The following ZYG11B variants were observed in gnomAD, a reference collection of about 807,000 sequenced individuals.
ZYG11B encodes zyg-11 family member B, cell cycle regulator, also known as protein zyg-11 homolog B.
Under a neutral mutation model 82.4 loss-of-function variants are expected in ZYG11B, and 36 were observed. That is an observed-to-expected ratio of 0.44 (90% CI 0.33 to 0.58). The LOEUF is 0.58. ZYG11B is among the 20% of genes least tolerant of loss of function. The pLI is 0.02. For synonymous variants in ZYG11B, 303 were observed against 312.8 expected (o/e 0.97, Z 0.33); for missense variants, 552 against 895.6 (o/e 0.62, Z 4.90).
At chr1:52,782,498 T>G (rs920322870) in intron 4 of ZYG11B, among the ~76,000 whole-genome samples, 9 of 152,180 alleles carry the variant, frequency 5.9e-5, no homozygotes, top group Admixed American at 2.0e-4. Flanking sequence ...TCAGCAATCT[T>G]CTGCCTCAAC....
At chr1:52,750,003 A>C (rs931230429) in intron 1 of ZYG11B, among the ~76,000 whole-genome samples, 1 of 152,210 alleles carries the variant, frequency 6.6e-6, no homozygotes, top group African/African-American at 2.4e-5. Flanking sequence ...TGATCTTTGA[A>C]ATGTGGAGTT....
rs1237397344 is a variant in ZYG11B at position 52,825,123 on chromosome 1, T to C, written c.*3494T>C. On this transcript the variant is annotated 3_prime_UTR_variant, in exon 14 of 14. Transcript: ENST00000294353. ...AAAAAATAGATTATAATGATACATA[T>C]TGGTATCATTAAGACAACAGATTTG... is the stretch of plus-strand genomic sequence containing the variant. The C allele has an allele frequency of 6.6e-6, 1 of 152,190 alleles. No individual in the cohort carries two copies. The highest frequency in any genetic ancestry group is 1.5e-5 in the Non-Finnish European group (1 of 68,036). The allele number at this position is 152,190 out of a possible 1,614,324, so 9.4% of individuals were successfully genotyped here.
intron 8 of ZYG11B, among the ~76,000 whole-genome samples, chr1:52,799,486 CA>C (rs57224108): frequency 3.1e-4 from 35 of 114,144 alleles, no homozygotes; most frequent in South Asian, 5.5e-4. Flanking sequence ...GGCTCTGTCT[CA>C]AAAAAAAAAA....
chr1:52,826,650 G>C lies in ZYG11B; in HGVS notation c.*5021G>C, dbSNP rs566951652. 1.6e-4 allele frequency: 24 copies of C among 152,162 alleles called. No individual in the cohort carries two copies. The highest frequency in any genetic ancestry group is 5.5e-4 in the African/African-American group (23 of 41,498). The allele number at this position is 152,162 out of a possible 1,614,324, so 9.4% of individuals were successfully genotyped here. ...TTTTTCTCTCTCCCCATTTTTTGGG[G>C]TAAGTTTTGCAAAGATCAGTGCTGC... On this transcript the variant is annotated 3_prime_UTR_variant, in exon 14 of 14. Transcript: ENST00000294353.
chr1:52,738,852 C>T (rs554842663), intron 1 of ZYG11B, among the ~76,000 whole-genome samples: 12 of 151,374 alleles, frequency 7.9e-5, no homozygotes, highest in South Asian at 2.1e-4. Context: ...TCAGGTGATC[C>T]GCCCACCTTG....
Position 52,772,661 on chromosome 1 carries a change from C to T in ZYG11B, c.951+887C>T, listed in dbSNP as rs190477847. 3.1e-5 allele frequency: 25 copies of T among 806,024 alleles called. No individual in the cohort carries two copies. In the East Asian group the frequency reaches 5.9e-4, roughly 19 times the overall value. 49.9% of individuals were successfully genotyped at this position (806,024 alleles called of 1,614,324 possible). A position where few individuals can be genotyped will look rare whatever the true frequency, so the allele number is the denominator to read the frequency against. ...GCATACGACCCATGATGGCGGCGAT[C>T]AGGCAACGAAAGGCTTGTTTTTTTT... On this transcript the variant is annotated intron_variant, in intron 3 of 13. Coordinates refer to ENST00000294353, the MANE Select transcript of ZYG11B (RefSeq NM_024646.3).
In ZYG11B at chr1:52,826,106, A is replaced by G. The variant is rs1263421123; in HGVS notation, c.*4477A>G. The G allele has an allele frequency of 6.6e-6, 1 of 152,220 alleles. No homozygotes were observed. Among genetic ancestry groups the G allele is most frequent in the African/African-American group, 2.4e-5 (1 of 41,462 alleles). 9.4% of individuals were successfully genotyped at this position (152,220 alleles called of 1,614,324 possible). A position where few individuals can be genotyped will look rare whatever the true frequency, so the allele number is the denominator to read the frequency against. On this transcript the variant is annotated 3_prime_UTR_variant, in exon 14 of 14. Coordinates refer to ENST00000294353, the MANE Select transcript of ZYG11B (RefSeq NM_024646.3). ...TTTCGTTATTATACAATGTAGTGGT[A>G]TAAACAGTATTATTAAACTGAAGGC...
intron 12 of ZYG11B, among the ~76,000 whole-genome samples, chr1:52,816,131 C>T (rs2149966577): frequency 6.6e-6 from 1 of 152,016 alleles, no homozygotes; most frequent in East Asian, 1.9e-4. Flanking sequence ...TATGTTCCAC[C>T]TATTTTTATT....
chr1:52,782,336 C>G (rs1378122643), intron 4 of ZYG11B, among the ~76,000 whole-genome samples: 1 of 151,910 alleles, frequency 6.6e-6, no homozygotes, highest in African/African-American at 2.4e-5. Context: ...AAGTGATTCT[C>G]CCGCTTTGGC....
At chr1:52,775,890 C>T (rs1405532822) in intron 3 of ZYG11B, among the ~76,000 whole-genome samples, 1 of 151,656 alleles carries the variant, frequency 6.6e-6, no homozygotes, top group East Asian at 1.9e-4. Flanking sequence ...GGGTTTGTCA[C>T]TGGGTAGAGA....
intron 8 of ZYG11B, among the ~76,000 whole-genome samples, 181 bp downstream of exon 8, chr1:52,796,965 AT>A (rs1558137283): frequency 1.2e-5 from 1 of 82,048 alleles, no homozygotes; most frequent in Non-Finnish European, 2.0e-5. Context: ...TATATTATAT[AT>A]AATATATATA....
chr1:52,783,246 A>G (rs969454956), intron 4 of ZYG11B, among the ~76,000 whole-genome samples: 1 of 152,124 alleles, frequency 6.6e-6, no homozygotes, highest in African/African-American at 2.4e-5. Context: ...CTTATAGGGA[A>G]TTTTGCTGCA....
At chr1:52,734,228 G>T (rs1644358554) in intron 1 of ZYG11B, among the ~76,000 whole-genome samples, 1 of 151,840 alleles carries the variant, frequency 6.6e-6, no homozygotes, top group South Asian at 2.1e-4. Context: ...AAACTCCTGG[G>T]CTCAAGTGAT....
chr1:52,766,850 T>TAA (rs1472996270), intron 2 of ZYG11B, among the ~76,000 whole-genome samples: 2 of 151,954 alleles, frequency 1.3e-5, no homozygotes, highest in African/African-American at 4.8e-5. Context: ...CTACTAAAAA[T>TAA]ACAAAAAATT....
At chr1:52,789,741 C>T (rs937394860) in intron 5 of ZYG11B, among the ~76,000 whole-genome samples, 4 of 151,998 alleles carry the variant, frequency 2.6e-5, no homozygotes, top group African/African-American at 9.7e-5. Flanking sequence ...ACTTCATAGG[C>T]CACCAGAAAG....
At chr1:52,797,734 C>T (rs1328223009) in intron 8 of ZYG11B, among the ~76,000 whole-genome samples, 1 of 151,230 alleles carries the variant, frequency 6.6e-6, no homozygotes, top group Non-Finnish European at 1.5e-5. Flanking sequence ...TGGTCTCGAT[C>T]TCCTGACCTT....
chr1:52,732,749 G>A (rs1644343557), intron 1 of ZYG11B, among the ~76,000 whole-genome samples: 7 of 151,432 alleles, frequency 4.6e-5, no homozygotes, highest in Non-Finnish European at 1.0e-4. Flanking sequence ...TGGCGACAGA[G>A]CAAGACTCTG....
chr1:52,736,275 T>TTTTATTTA lies in ZYG11B; in HGVS notation c.30+9607_30+9614dup, dbSNP rs58123684. On this transcript the variant is annotated intron_variant, in intron 1 of 13. Transcript: ENST00000294353. The stretch of plus-strand genomic sequence containing the variant: ...AGCAAATAGTTGTTGAATGAAAGTG[T>TTTTATTTA]TTTATTTATTTATTTATTTATTGAG... 1.6e-4 allele frequency among the ~76,000 whole-genome samples: 24 copies of TTTTATTTA among 149,554 alleles called. 1 individual carries two copies. Among genetic ancestry groups the TTTTATTTA allele is most frequent in the East Asian group, 1.0e-3 (5 of 5,012 alleles).
At chr1:52,739,205 T>C (rs1477149720) in intron 1 of ZYG11B, among the ~76,000 whole-genome samples, 1 of 151,916 alleles carries the variant, frequency 6.6e-6, no homozygotes, top group Non-Finnish European at 1.5e-5. Flanking sequence ...CATGTGGGTC[T>C]TGAACTCTTG....
Sources: gnomAD v4.1 joint callset for allele counts (sites outside exome capture counted in the v4.1 genomes callset) on GRCh38, gnomAD v4.1.1 for gene constraint, MANE v1.5 for transcripts, NCBI Gene and HGNC (gene_info 2026-07-23, HGNC 2026-07-21) for gene names.